Variants in CCDC38 observed in about 807,000 individuals in gnomAD.
The protein encoded by CCDC38 is coiled-coil domain containing 38.
A neutral mutation model predicts 72.8 loss-of-function variants in CCDC38; 69 were observed. The observed-to-expected ratio is 0.95, with a 90% CI of 0.78 to 1.16. The LOEUF is 1.16. Ranked by LOEUF, CCDC38 falls within the 50% of genes most tolerant of loss-of-function variation. The pLI, the probability that CCDC38 is intolerant of heterozygous loss-of-function variation, is 0.00. For missense variants in CCDC38, 626 were observed against 638.9 expected (o/e 0.98, Z 0.22); for synonymous variants, 201 against 213.2 (o/e 0.94, Z 0.50).
chr12:95,872,418 A>G lies in CCDC38; in HGVS notation c.1321T>C (p.Tyr441His), dbSNP rs373464624. 25 of 1,614,024 alleles carry G rather than the reference A, an allele frequency of 1.5e-5. No homozygotes were observed. The highest frequency in any genetic ancestry group is 4.0e-5 in the African/African-American group (3 of 74,930). ...DSLSKKITQV[Y>H]KVCIGDAEDD... The stretch of plus-strand genomic sequence containing the variant: ...TCAGCATCTCCAATGCAGACTTTGT[A>G]TACTTGAGTAATCTTTTTACTAAGT... The change falls in exon 14 of 16, where the codon TAC becomes CAC. Residue 441 changes from tyrosine to histidine, a missense_variant. Tyr to His is a moderately conservative substitution (Grantham distance 83, BLOSUM62 2). Coordinates refer to ENST00000344280, the MANE Select transcript of CCDC38 (RefSeq NM_182496.3).
chr12:95,903,690 GATTT>G, intron 5 of CCDC38: 1 of 407,690 alleles, frequency 2.5e-6, no homozygotes, highest in East Asian at 3.6e-5. Context: ...GTATTACATT[GATTT>G]ATTTTTAAAT....
intron 2 of CCDC38, chr12:95,933,075 C>A (rs1266339908): frequency 6.6e-6 from 1 of 152,064 alleles, no homozygotes; most frequent in Admixed American, 6.6e-5. Context: ...TAAAATTGTC[C>A]CCCAAAAACC....
At chr12:95,939,314 C>A (rs1446007604) in intron 1 of CCDC38, among the ~76,000 whole-genome samples, 1 of 152,150 alleles carries the variant, frequency 6.6e-6, no homozygotes, top group African/African-American at 2.4e-5. Context: ...GACAAGAAGT[C>A]CAAGATCACG....
chr12:95,867,853 C>G (rs572899581), intron 15 of CCDC38, among the ~76,000 whole-genome samples: 3 of 152,248 alleles, frequency 2.0e-5, no homozygotes, highest in African/African-American at 7.2e-5. Context: ...AGTGGGGAAA[C>G]TACCATAATT....
chr12:95,872,928 A>G (rs1286298234), intron 13 of CCDC38, among the ~76,000 whole-genome samples: 1 of 152,222 alleles, frequency 6.6e-6, no homozygotes, highest in Non-Finnish European at 1.5e-5. Context: ...TTTAACCTAT[A>G]TTATAATTTA....
intron 4 of CCDC38, among the ~76,000 whole-genome samples, chr12:95,912,042 G>T (rs1333910473): frequency 3.9e-5 from 6 of 152,178 alleles, no homozygotes; most frequent in Non-Finnish European, 8.8e-5. Context: ...GCCATAAAAA[G>T]AATAAAATAA....
At chr12:95,929,975 T>C (rs2080320124) in intron 2 of CCDC38, among the ~76,000 whole-genome samples, 1 of 152,100 alleles carries the variant, frequency 6.6e-6, no homozygotes, top group South Asian at 2.1e-4. Context: ...TCCTTTTCTT[T>C]CTTTTATAAG....
chr12:95,887,214 A>T (rs975390752), intron 10 of CCDC38, among the ~76,000 whole-genome samples: 1 of 152,020 alleles, frequency 6.6e-6, no homozygotes, highest in Non-Finnish European at 1.5e-5. Flanking sequence ...AACAAAAAAA[A>T]ACCACTGAAC....
chr12:95,887,533 T>C (rs1177774292), intron 10 of CCDC38, among the ~76,000 whole-genome samples: 1 of 152,216 alleles, frequency 6.6e-6, no homozygotes, highest in Non-Finnish European at 1.5e-5. Context: ...ATTCCACTTA[T>C]AGAACATTCT....
intron 2 of CCDC38, chr12:95,919,464 C>T: frequency 4.4e-6 from 2 of 450,588 alleles, no homozygotes; most frequent in Non-Finnish European, 4.5e-6. Flanking sequence ...GCAGTTCGTT[C>T]ACAAGGACTC....
chr12:95,938,167 T>C (rs1050221079), intron 1 of CCDC38, among the ~76,000 whole-genome samples: 3 of 152,204 alleles, frequency 2.0e-5, no homozygotes, highest in Non-Finnish European at 2.9e-5. Context: ...AACTATAACA[T>C]TGACATTATA....
intron 7 of CCDC38, 132 bp from the exon 8 acceptor site, chr12:95,895,278 C>A: frequency 1.1e-5 from 6 of 554,020 alleles, no homozygotes; most frequent in Admixed American, 3.8e-5. Flanking sequence ...ATAAATATGG[C>A]CATAAAAATA....
intron 1 of CCDC38, among the ~76,000 whole-genome samples, chr12:95,939,641 G>C (rs773698036): frequency 3.2e-4 from 49 of 152,200 alleles, no homozygotes; most frequent in Non-Finnish European, 6.9e-4. Flanking sequence ...AGAAGGCAGT[G>C]GGGGAAGGGG....
intron 10 of CCDC38, among the ~76,000 whole-genome samples, chr12:95,887,274 T>G (rs955395527): frequency 1.8e-4 from 27 of 152,070 alleles, no homozygotes; most frequent in African/African-American, 5.8e-4. Flanking sequence ...TCCAGAGAAG[T>G]GAAAATTATG....
chr12:95,889,033 C>CTTTTTTTTTTTTTTTTT (rs63374760), intron 9 of CCDC38: 1 of 84,824 alleles, frequency 1.2e-5, no homozygotes, highest in Non-Finnish European at 2.1e-5. Context: ...ATTGTCTCAG[C>CTTTTTTTTTTTTTTTTT]TTTTTTTTTT....
rs367571951 is a variant in CCDC38 at position 95,928,077 on chromosome 12, T to C, written c.37+8396A>G. On this transcript the variant is annotated intron_variant, in intron 2 of 15. Coordinates refer to ENST00000344280, the MANE Select transcript of CCDC38 (RefSeq NM_182496.3). ...GTTCTCTGTATTTCCTGAATCTGAA[T>C]GTTGGCCTGCCTTGCTAGATTGGGG... Among the ~76,000 whole-genome samples the C allele has an allele frequency of 3.3e-5, 5 of 150,028 alleles. No homozygotes were observed. The East Asian group carries it at 5.8e-4, about 17-fold the overall frequency.
intron 1 of CCDC38, among the ~76,000 whole-genome samples, chr12:95,937,963 T>C (rs1592813356): frequency 1.3e-5 from 2 of 152,322 alleles, no homozygotes; most frequent in East Asian, 3.9e-4. Context: ...ACACACCTCT[T>C]AAGGCTTTCT....
At chr12:95,933,304 G>T (rs990831016) in intron 2 of CCDC38, 6 of 152,004 alleles carry the variant, frequency 3.9e-5, no homozygotes, top group Non-Finnish European at 8.8e-5. Flanking sequence ...TGACATAATT[G>T]GGATATACCA....
In CCDC38 at chr12:95,883,832, G is replaced by A. The variant is rs185376396; in HGVS notation, c.921-2278C>T. ...TGAGCTTTCTGAGGGAGCGAATGTG[G>A]TGTCTGCATGTTACTGTGAGCATCT... On this transcript the variant is annotated intron_variant, in intron 10 of 15. Transcript: ENST00000344280. Among the ~76,000 whole-genome samples the A allele has an allele frequency of 1.5e-3, 225 of 152,308 alleles. 1 individual carries two copies. Among genetic ancestry groups the A allele is most frequent in the African/African-American group, 5.1e-3 (211 of 41,568 alleles).
Sources: allele counts gnomAD v4.1 joint callset (sites outside exome capture counted in the v4.1 genomes callset), GRCh38; gene constraint gnomAD v4.1.1; transcripts MANE v1.5; gene names NCBI Gene and HGNC (gene_info 2026-07-23, HGNC 2026-07-21).